DPP10: variants seen among roughly 807,000 people sequenced by gnomAD.
DPP10 encodes the protein dipeptidyl peptidase like 10, also known as inactive dipeptidyl peptidase 10.
Under a neutral mutation model 120.9 loss-of-function variants are expected in DPP10, and 33 were observed. The observed-to-expected ratio is 0.27, with a 90% CI of 0.21 to 0.37. The LOEUF is 0.37. DPP10 is among the 10% of genes least tolerant of loss of function. The pLI is 1.00. For synonymous variants in DPP10, 337 were observed against 326.1 expected (o/e 1.03, Z -0.36); for missense variants, 816 against 942.8 (o/e 0.87, Z 1.76).
At chr2:115,490,120 T>C (rs1178819053) in intron 3 of DPP10, among the ~76,000 whole-genome samples, 2 of 152,136 alleles carry the variant, frequency 1.3e-5, no homozygotes, top group Non-Finnish European at 2.9e-5. Flanking sequence ...ACCTTCCTTG[T>C]ATTTATTTAT....
At chr2:114,631,557 T>G (rs1317163916) in intron 1 of DPP10, among the ~76,000 whole-genome samples, 1 of 152,188 alleles carries the variant, frequency 6.6e-6, no homozygotes, top group Non-Finnish European at 1.5e-5. Context: ...GGAGAAATCT[T>G]TATGATCTGA....
At chr2:114,881,733 T>C (rs1257117778) in intron 1 of DPP10, among the ~76,000 whole-genome samples, 1 of 152,098 alleles carries the variant, frequency 6.6e-6, no homozygotes, top group East Asian at 1.9e-4. Flanking sequence ...TCACATTAGA[T>C]TATAGAGATC....
At chr2:115,249,346 A>C (rs1292371111) in intron 1 of DPP10, among the ~76,000 whole-genome samples, 1 of 152,166 alleles carries the variant, frequency 6.6e-6, no homozygotes, top group Non-Finnish European at 1.5e-5. Flanking sequence ...GGACCTTTAT[A>C]ATAGATAGCA....
In DPP10 at chr2:115,648,005, T is replaced by C. The variant is rs2087422508; in HGVS notation, c.442-41682T>C. ...GTAAAGATTCATATCACTTTTATTC[T>C]GTGCAAAGAAGGAAAAACTTATTTT... is the stretch of plus-strand genomic sequence containing the variant. On this transcript the variant is annotated intron_variant, in intron 5 of 25. Coordinates refer to ENST00000410059, the MANE Select transcript of DPP10 (RefSeq NM_020868.6). Among the ~76,000 whole-genome samples, 4 of 152,162 alleles carry C rather than the reference T, an allele frequency of 2.6e-5. No homozygotes were observed. The South Asian group carries it at 8.3e-4, about 32-fold the overall frequency.
chr2:115,202,636 T>C (rs964871652), intron 1 of DPP10, among the ~76,000 whole-genome samples: 1 of 152,216 alleles, frequency 6.6e-6, no homozygotes, highest in Non-Finnish European at 1.5e-5. Flanking sequence ...CATATTTCTC[T>C]ATGTAATGGG....
At chr2:115,493,456 G>A (rs977129934) in intron 3 of DPP10, among the ~76,000 whole-genome samples, 1 of 151,318 alleles carries the variant, frequency 6.6e-6, no homozygotes, top group Admixed American at 6.6e-5. Context: ...GACATTAGTT[G>A]AATGTTTAAG....
intron 2 of DPP10, among the ~76,000 whole-genome samples, chr2:115,328,378 T>C (rs2062490306): frequency 6.6e-6 from 1 of 152,108 alleles, no homozygotes; most frequent in African/African-American, 2.4e-5. Flanking sequence ...AATGATTGAC[T>C]AATTTGGCTA....
intron 1 of DPP10, among the ~76,000 whole-genome samples, chr2:115,263,889 C>A (rs1011113182): frequency 6.7e-5 from 10 of 150,058 alleles, no homozygotes; most frequent in Admixed American, 6.6e-4. Flanking sequence ...GGATTCAAAA[C>A]ACACACACAC....
chr2:115,490,281 G>A (rs1462300669), intron 3 of DPP10, among the ~76,000 whole-genome samples: 1 of 152,154 alleles, frequency 6.6e-6, no homozygotes, highest in Admixed American at 6.6e-5. Context: ...TCTTCACAGG[G>A]CAGCAGGAGA....
intron 3 of DPP10, among the ~76,000 whole-genome samples, chr2:115,379,470 T>G (rs1199511102): frequency 6.6e-6 from 1 of 152,186 alleles, no homozygotes; most frequent in Non-Finnish European, 1.5e-5. Flanking sequence ...TTGCTAGCGG[T>G]CTGTCAATTT....
At chr2:114,923,080 G>A (rs534589103) in intron 1 of DPP10, among the ~76,000 whole-genome samples, 82 of 152,084 alleles carry the variant, frequency 5.4e-4, no homozygotes, top group Middle Eastern at 3.4e-3. Flanking sequence ...AAATTGGACT[G>A]TCTTTTTATT....
intron 15 of DPP10, among the ~76,000 whole-genome samples, chr2:115,778,339 T>C (rs1319911285): frequency 2.0e-4 from 31 of 152,044 alleles, no homozygotes. Flanking sequence ...CATCCTTATT[T>C]AAATAAGGAA....
intron 1 of DPP10, among the ~76,000 whole-genome samples, chr2:114,930,540 C>T (rs1695992003): frequency 6.6e-6 from 1 of 152,212 alleles, no homozygotes; most frequent in East Asian, 1.9e-4. Flanking sequence ...CCAGTAAGTT[C>T]CTCATTTCCA....
intron 1 of DPP10, among the ~76,000 whole-genome samples, chr2:114,678,276 T>C (rs1214916442): frequency 6.6e-6 from 1 of 152,098 alleles, no homozygotes; most frequent in Non-Finnish European, 1.5e-5. Context: ...ATTTCTGGAT[T>C]AGGTGAGTTT....
chr2:114,976,945 T>C (rs1338472474), intron 1 of DPP10, among the ~76,000 whole-genome samples: 3 of 152,190 alleles, frequency 2.0e-5, no homozygotes, highest in South Asian at 2.1e-4. Flanking sequence ...TATCATCTTC[T>C]AATTGCTTTG....
chr2:114,501,485 C>T lies in DPP10; in HGVS notation c.60+58647C>T, dbSNP rs141826765. The stretch of plus-strand genomic sequence containing the variant: ...GCTCCCTGGGACCTAAAAAGCAATC[C>T]ATAATTTTCCAAAGCTGCTAAAAAA... On this transcript the variant is annotated intron_variant, in intron 1 of 25. Coordinates refer to ENST00000410059, the MANE Select transcript of DPP10 (RefSeq NM_020868.6). Among the ~76,000 whole-genome samples, 492 of 152,186 alleles carry T rather than the reference C, an allele frequency of 3.2e-3. 8 individuals carry two copies. Among genetic ancestry groups the T allele is most frequent in the Non-Finnish European group, 1.6e-3 (111 of 68,014 alleles).
At chr2:114,570,461 T>G (rs1689547131) in intron 1 of DPP10, among the ~76,000 whole-genome samples, 1 of 151,906 alleles carries the variant, frequency 6.6e-6, no homozygotes, top group Non-Finnish European at 1.5e-5. Context: ...TAAGATCCCT[T>G]AGGTAGGAGC....
rs536701415 is a variant in DPP10, at chr2:115,219,591, A to G, written c.61-89648A>G. On this transcript the variant is annotated intron_variant, in intron 1 of 25. Transcript: ENST00000410059. ...GGTGCTGTACTTATCAACCATCAAAATGATGTTAATCATATATTGTGCATA... is the reference window on the plus strand; with the variant it reads ...GGTGCTGTACTTATCAACCATCAAAGTGATGTTAATCATATATTGTGCATA... Among the ~76,000 whole-genome samples, 26 of 152,302 alleles carry G rather than the reference A, an allele frequency of 1.7e-4. No individual in the cohort carries two copies. The South Asian group carries it at 5.2e-3, about 30-fold the overall frequency.
At position 115,822,714 on chromosome 2, in the gene DPP10, A is replaced by G. The variant is rs2121319; in HGVS notation, c.1950+6985A>G. Among the ~76,000 whole-genome samples the G allele has an allele frequency of 7.3e-3, 1,108 of 152,082 alleles. 38 individuals are homozygous for G. Among genetic ancestry groups the G allele is most frequent in the Admixed American group, 0.049 (755 of 15,274 alleles). The stretch of plus-strand genomic sequence containing the variant: ...TGCTTTGGTGCTTTCTGTCAATTCT[A>G]GAAAATTATCAATTTTCTATTAGAA... On this transcript the variant is annotated intron_variant, in intron 21 of 25. Transcript: ENST00000410059.
Sources: allele counts gnomAD v4.1 joint callset (sites outside exome capture counted in the v4.1 genomes callset), GRCh38; gene constraint gnomAD v4.1.1; transcripts MANE v1.5; gene names NCBI Gene and HGNC (gene_info 2026-07-23, HGNC 2026-07-21).